OLAH: variants seen among roughly 807,000 people sequenced by gnomAD.
OLAH encodes the protein S-acyl fatty acid synthase thioesterase, medium chain.
In OLAH, 33 loss-of-function variants were observed where a neutral mutation model predicts 27.8. That is an observed-to-expected ratio of 1.19 (90% confidence interval 0.90 to 1.59). The LOEUF (loss-of-function observed/expected upper bound fraction) is 1.59. Ranked by LOEUF, OLAH falls within the 40% of genes most tolerant of loss-of-function variation. The pLI is 0.00. For missense variants in OLAH, 359 were observed against 310.8 expected, an observed-to-expected ratio of 1.16 and a Z score of -1.17; for synonymous variants, 120 against 102.9, an observed-to-expected ratio of 1.17 and a Z score of -1.01.
chr10:15,064,555 G>C, intron 5 of OLAH, 53 bp downstream of exon 5: 1 of 1,013,438 alleles, frequency 9.9e-7, no homozygotes, highest in Non-Finnish European at 1.5e-6. Context: ...GGGAAATGGG[G>C]ATAAAAATAA....
In OLAH at chr10:15,073,484, C is replaced by T. The variant is rs1844634299; in HGVS notation, c.*255C>T. 1 of 286,086 alleles carries T rather than the reference C, an allele frequency of 3.5e-6. No individual in the cohort carries two copies. Among genetic ancestry groups the T allele is most frequent in the South Asian group, 4.3e-5 (1 of 23,154 alleles). The allele number at this position is 286,086 out of a possible 1,614,324, so 17.7% of individuals were successfully genotyped here. A position where few individuals can be genotyped will look rare whatever the true frequency, so the allele number is the denominator to read the frequency against. On this transcript the variant is annotated 3_prime_UTR_variant, in exon 8 of 8. Transcript: ENST00000378228. ...GACCGTCCTGGCTAACACCGTGAAA[C>T]CCCATCTCTACTAAAAATACACAAA...
chr10:15,037,580 C>CAAAAAAAAA (rs66522152), intron 1 of OLAH, among the ~76,000 whole-genome samples: 55 of 141,262 alleles, frequency 3.9e-4, no homozygotes, highest in Middle Eastern at 3.8e-3. Context: ...GACTCCGTAT[C>CAAAAAAAAA]AAAAAAAAAA....
In OLAH at chr10:15,065,599, C is replaced by T. The variant is rs749252100; in HGVS notation, c.418C>T (p.Arg140Cys). The T allele has an allele frequency of 7.3e-5, 117 of 1,610,586 alleles. No individual in the cohort carries two copies. The highest frequency in any genetic ancestry group is 8.9e-5 in the East Asian group (4 of 44,872). ...ATGTTTCAAGTCAAAGGCCTGGCATCGCATTCCCAAAGATGATGAATTGTC... is the reference window on the plus strand; with the variant it reads ...ATGTTTCAAGTCAAAGGCCTGGCATTGCATTCCCAAAGATGATGAATTGTC... ...ATPVHSKAWH[R>C]IPKDDELSEE... is the part of the protein sequence containing the mutation. Residue 140 changes from arginine (R) to cysteine (C), a missense_variant, in exon 6 of 8, where the codon CGC (arginine) becomes TGC (cysteine). Coordinates refer to ENST00000378228, the MANE Select transcript of OLAH (RefSeq NM_001039702.3).
intron 1 of OLAH, among the ~76,000 whole-genome samples, chr10:15,034,209 G>A (rs1049628120): frequency 2.6e-5 from 4 of 151,284 alleles, no homozygotes; most frequent in Non-Finnish European, 5.9e-5. Flanking sequence ...CGCCTCCCAG[G>A]TTCAAGCAAT....
rs775026251 is a variant in OLAH at position 15,056,910 on chromosome 10, G to A, written c.164-4814G>A. On this transcript the variant is annotated intron_variant, in intron 3 of 7. Transcript: ENST00000378228. ...TGCTTCAGCCTACCCATGTGCTGGCGTGAGCCACCGTAGGCGTGAGCCACC... is the reference window on the plus strand; with the variant it reads ...TGCTTCAGCCTACCCATGTGCTGGCATGAGCCACCGTAGGCGTGAGCCACC... 5.0e-5 allele frequency: 77 copies of A among 1,533,104 alleles called. No homozygotes were observed. The Middle Eastern group carries it at 1.5e-3, about 30-fold the overall frequency. 95.0% of individuals were successfully genotyped at this position (1,533,104 alleles called of 1,614,324 possible).
intron 4 of OLAH, 73 bp from the exon 5 acceptor site, chr10:15,064,329 TC>T (rs1844424208): frequency 2.5e-6 from 2 of 806,458 alleles, no homozygotes; most frequent in Non-Finnish European, 2.1e-6. Context: ...ATGATACTGT[TC>T]CTTTTGACTT....
chr10:15,044,528 C>T (rs1397598338), intron 1 of OLAH, among the ~76,000 whole-genome samples: 1 of 151,788 alleles, frequency 6.6e-6, no homozygotes, highest in Non-Finnish European at 1.5e-5. Flanking sequence ...AATCTCGGCT[C>T]ACTACTGTCT....
chr10:15,062,251 G>T (rs1413795324), intron 4 of OLAH, among the ~76,000 whole-genome samples: 1 of 152,102 alleles, frequency 6.6e-6, no homozygotes, highest in Non-Finnish European at 1.5e-5. Context: ...TTAGGCTTCT[G>T]AGTTAGTTCC....
chr10:15,069,558 T>A (rs1230321074), intron 6 of OLAH, among the ~76,000 whole-genome samples: 1 of 152,080 alleles, frequency 6.6e-6, no homozygotes, highest in Non-Finnish European at 1.5e-5. Flanking sequence ...CAACCCCTAG[T>A]GGAGGCCCAT....
intron 1 of OLAH, among the ~76,000 whole-genome samples, chr10:15,044,930 C>T (rs1211106692): frequency 6.6e-6 from 1 of 152,152 alleles, no homozygotes; most frequent in Non-Finnish European, 1.5e-5. Flanking sequence ...ATTTGCTGGG[C>T]ATGTTTTATC....
chr10:15,034,827 G>A (rs1282025864), intron 1 of OLAH, among the ~76,000 whole-genome samples: 1 of 144,624 alleles, frequency 6.9e-6, no homozygotes, highest in Non-Finnish European at 1.5e-5. Context: ...TTTGAGACGG[G>A]TCTTGCTCTT....
chr10:15,038,601 G>C (rs1843876765), intron 1 of OLAH: 1 of 152,222 alleles, frequency 6.6e-6, no homozygotes, highest in African/African-American at 2.4e-5. Context: ...CTCTCTCTTT[G>C]CCTGCTGCCA....
chr10:15,052,572 CA>C (rs1844165271), intron 3 of OLAH, among the ~76,000 whole-genome samples: 3 of 152,044 alleles, frequency 2.0e-5, no homozygotes. Context: ...AGTATCTGGC[CA>C]GGAGATAAAT....
At chr10:15,043,297 T>A (rs184048312), upstream of OLAH, among the ~76,000 whole-genome samples, 1 of 152,032 alleles carries the variant, frequency 6.6e-6, no homozygotes, top group Non-Finnish European at 1.5e-5. Flanking sequence ...TCTTAATAGG[T>A]ATTGAAAGCT....
At chr10:15,045,508 C>T (rs1178239491) in intron 1 of OLAH, among the ~76,000 whole-genome samples, 1 of 152,070 alleles carries the variant, frequency 6.6e-6, no homozygotes, top group African/African-American at 2.4e-5. Context: ...TGATTTTTTT[C>T]TGAGAGTTGA....
chr10:15,041,955 A>G (rs1447728238), upstream of OLAH, among the ~76,000 whole-genome samples: 1 of 151,590 alleles, frequency 6.6e-6, no homozygotes, highest in African/African-American at 2.4e-5. Flanking sequence ...TTTCCCTGGC[A>G]TCTCCATCTA....
At chr10:15,065,361 T>C (rs894197099) in intron 5 of OLAH, among the ~76,000 whole-genome samples, 18 of 152,212 alleles carry the variant, frequency 1.2e-4, no homozygotes, top group Non-Finnish European at 4.4e-5. Flanking sequence ...GGATTCTAAA[T>C]CTACAAAGCC....
At chr10:15,048,993 C>A (rs1844077737) in intron 2 of OLAH, among the ~76,000 whole-genome samples, 1 of 151,844 alleles carries the variant, frequency 6.6e-6, no homozygotes, top group Non-Finnish European at 1.5e-5. Context: ...ATCTCAACTA[C>A]ATGGGAGGCT....
In OLAH at chr10:15,073,326, A is replaced by T. The variant is rs1307255850; in HGVS notation, c.*97A>T. The stretch of plus-strand genomic sequence containing the variant: ...GTTTTATTCAGATTGGAAATTACAC[A>T]TTTTCTACTGTCAGGGAGATTCGTT... On this transcript the variant is annotated 3_prime_UTR_variant, in exon 8 of 8. Coordinates refer to ENST00000378228, the MANE Select transcript of OLAH (RefSeq NM_001039702.3). 5 of 786,370 alleles carry T rather than the reference A, an allele frequency of 6.4e-6. No individual in the cohort carries two copies. Among genetic ancestry groups the T allele is most frequent in the East Asian group, 5.5e-5 (2 of 36,504 alleles). 48.7% of individuals were successfully genotyped at this position (786,370 alleles called of 1,614,324 possible).
Sources: allele counts gnomAD v4.1 joint callset (sites outside exome capture counted in the v4.1 genomes callset), GRCh38; gene constraint gnomAD v4.1.1; transcripts MANE v1.5; gene names NCBI Gene and HGNC (gene_info 2026-07-23, HGNC 2026-07-21).